Variants in FBXL2 observed in about 807,000 individuals in gnomAD.
FBXL2 encodes the protein F-box and leucine rich repeat protein 2.
In FBXL2, 38 loss-of-function variants were observed where a neutral mutation model predicts 69.2. The observed-to-expected ratio is 0.55, with a 90% CI of 0.42 to 0.72. The LOEUF is 0.72. Among genes scored for constraint, FBXL2 ranks in the 30% least tolerant of loss-of-function variants. The pLI is 0.00. For synonymous variants in FBXL2, 192 were observed against 201.3 expected, an observed-to-expected ratio of 0.95 and a Z score of 0.39; for missense variants, 354 against 520.3, an observed-to-expected ratio of 0.68 and a Z score of 3.11.
chr3:33,362,931 A>G (rs2041728670), intron 4 of FBXL2, among the ~76,000 whole-genome samples: 1 of 149,384 alleles, frequency 6.7e-6, no homozygotes, highest in Admixed American at 6.8e-5. Flanking sequence ...AATAATCATT[A>G]ATGCAAGTAG....
intron 2 of FBXL2, among the ~76,000 whole-genome samples, chr3:33,303,993 C>T (rs564922391): frequency 1.3e-5 from 2 of 151,664 alleles, no homozygotes; most frequent in East Asian, 3.9e-4. Context: ...GGAATATAAA[C>T]TGTAGCAGCC....
At chr3:33,379,975 C>T (rs1430911653) in intron 13 of FBXL2, among the ~76,000 whole-genome samples, 1 of 151,998 alleles carries the variant, frequency 6.6e-6, no homozygotes, top group Non-Finnish European at 1.5e-5. Context: ...GCTCACACCT[C>T]TAATCCCAGC....
intron 5 of FBXL2, among the ~76,000 whole-genome samples, chr3:33,370,968 T>A (rs1397653980): frequency 6.6e-6 from 1 of 152,154 alleles, no homozygotes; most frequent in Non-Finnish European, 1.5e-5. Context: ...TCTTATTTAG[T>A]GATTCCAATC....
chr3:33,359,482 G>A (rs1438309188), intron 4 of FBXL2, 125 bp downstream of exon 4: 6 of 533,552 alleles, frequency 1.1e-5, no homozygotes, highest in Admixed American at 3.2e-5. Flanking sequence ...ACAGAAAGAA[G>A]AAAAACTGGA....
chr3:33,407,930 T>C (rs573158587), downstream of FBXL2, among the ~76,000 whole-genome samples: 157 of 152,356 alleles, frequency 1.0e-3, 1 homozygote, highest in African/African-American at 2.2e-3. Context: ...TGTGGACTAA[T>C]AGATGAAGAG....
At chr3:33,380,992 G>T (rs1272515260) in intron 13 of FBXL2, among the ~76,000 whole-genome samples, 1 of 152,124 alleles carries the variant, frequency 6.6e-6, no homozygotes, top group Non-Finnish European at 1.5e-5. Context: ...GAATTGGCCC[G>T]AACCAGACAG....
chr3:33,359,132 C>A, intron 3 of FBXL2, 111 bp downstream of exon 3: 1 of 889,374 alleles, frequency 1.1e-6, no homozygotes, highest in Non-Finnish European at 1.7e-6. Flanking sequence ...CTTAATATAA[C>A]ATAATGGTAT....
intron 12 of FBXL2, chr3:33,396,856 C>T: frequency 1.4e-6 from 1 of 690,784 alleles, no homozygotes; most frequent in Non-Finnish European, 2.6e-6. Context: ...CTCATCAGTG[C>T]CTGCATCATA....
At chr3:33,409,955 T>A in the FBXL2 span, among the ~76,000 whole-genome samples, 1 of 152,224 alleles carries the variant, frequency 6.6e-6, no homozygotes. Context: ...TACTAAGCCC[T>A]GTTCAATCCA....
At chr3:33,404,594 C>T (rs1464353567), downstream of FBXL2, among the ~76,000 whole-genome samples, 2 of 151,894 alleles carry the variant, frequency 1.3e-5, no homozygotes, top group Non-Finnish European at 2.9e-5. Flanking sequence ...CTGCAGTGAG[C>T]CATGACTACA....
At chr3:33,342,956 G>A (rs1442202466) in intron 2 of FBXL2, among the ~76,000 whole-genome samples, 1 of 145,714 alleles carries the variant, frequency 6.9e-6, no homozygotes, top group African/African-American at 2.5e-5. Flanking sequence ...TAGCCAGGAT[G>A]GTCTCCATCT....
At chr3:33,405,458 A>C (rs915435486), downstream of FBXL2, among the ~76,000 whole-genome samples, 4 of 152,352 alleles carry the variant, frequency 2.6e-5, no homozygotes, top group African/African-American at 9.6e-5. Flanking sequence ...AGCTATTTAA[A>C]TTTATGATGA....
Position 33,393,240 on chromosome 3 carries a change from T to C in FBXL2, n.1214+7512T>C. On this transcript the variant is annotated intron_variant and non_coding_transcript_variant, in intron 12 of 12. Transcript: ENST00000463736. ...TTTTCAAAAGAGGTCACAGAATTTTTCTACAGTTCTACAATTACATGTATA... is the reference window on the plus strand; with the variant it reads ...TTTTCAAAAGAGGTCACAGAATTTTCCTACAGTTCTACAATTACATGTATA... 7 of 1,418,344 alleles carry C rather than the reference T, an allele frequency of 4.9e-6. 1 individual carries two copies. The South Asian group carries it at 1.1e-4, about 22-fold the overall frequency. 87.9% of individuals were successfully genotyped at this position (1,418,344 alleles called of 1,614,324 possible).
chr3:33,383,841 G>C, intron 13 of FBXL2, 148 bp from the exon 14 acceptor site: 1 of 647,604 alleles, frequency 1.5e-6, no homozygotes. Context: ...TGAAGGCTGG[G>C]AAGTCCAGGG....
At chr3:33,324,068 C>CT (rs1227132074) in intron 2 of FBXL2, among the ~76,000 whole-genome samples, 2 of 152,214 alleles carry the variant, frequency 1.3e-5, no homozygotes, top group South Asian at 2.1e-4. Context: ...TGATGATGAG[C>CT]TTTTTTTCAT....
chr3:33,380,354 C>G (rs190580711), intron 13 of FBXL2, among the ~76,000 whole-genome samples: 1 of 151,644 alleles, frequency 6.6e-6, no homozygotes, highest in Admixed American at 6.6e-5. Context: ...GTTGGGAGTT[C>G]GAGACCAGCC....
chr3:33,293,061 G>C (rs1182217635), intron 1 of FBXL2, among the ~76,000 whole-genome samples: 1 of 152,090 alleles, frequency 6.6e-6, no homozygotes, highest in Non-Finnish European at 1.5e-5. Context: ...TGTCTATGTT[G>C]ACCAGGCTGG....
chr3:33,409,719 C>A, the FBXL2 span: 1 of 1,319,500 alleles, frequency 7.6e-7, no homozygotes, highest in East Asian at 2.3e-5. Flanking sequence ...AAAATAAACT[C>A]ATCACACATA....
At chr3:33,281,721 T>C (rs2034031857) in intron 1 of FBXL2, among the ~76,000 whole-genome samples, 1 of 152,118 alleles carries the variant, frequency 6.6e-6, no homozygotes, top group Admixed American at 6.5e-5. Flanking sequence ...TTCCTGACTT[T>C]TTAATGATCG....
Sources: allele counts gnomAD v4.1 joint callset (sites outside exome capture counted in the v4.1 genomes callset), GRCh38; gene constraint gnomAD v4.1.1; transcripts MANE v1.5; gene names NCBI Gene and HGNC (gene_info 2026-07-23, HGNC 2026-07-21).